ZNF346: variants seen among roughly 807,000 people sequenced by gnomAD.
ZNF346 encodes the protein zinc finger protein 346.
Under a neutral mutation model 33.7 loss-of-function variants are expected in ZNF346, and 23 were observed. The observed-to-expected ratio is 0.68, with a 90% CI of 0.49 to 0.97. ZNF346 has a LOEUF of 0.97. ZNF346 is among the 50% of genes least tolerant of loss of function. The pLI is 0.00. For missense variants in ZNF346, 340 were observed against 371.1 expected, an observed-to-expected ratio of 0.92 and a Z score of 0.69; for synonymous variants, 134 against 142.4, an observed-to-expected ratio of 0.94 and a Z score of 0.42.
chr5:177,022,929 T>C lies in ZNF346; in HGVS notation c.175+16T>C, dbSNP rs1427066008. 3 of 1,456,288 alleles carry C rather than the reference T, an allele frequency of 2.1e-6. No individual in the cohort carries two copies. Among genetic ancestry groups the C allele is most frequent in the Non-Finnish European group, 1.8e-6 (2 of 1,105,018 alleles). The allele number at this position is 1,456,288 out of a possible 1,614,324, so 90.2% of individuals were successfully genotyped here. On this transcript the variant is annotated intron_variant, in intron 1 of 6. Transcript: ENST00000358149. ...AGAGAGGAAGGTGAGTCGGGGGCTT[T>C]GGAGGCAGAAAGCCCCTCGCCCGCT... is the stretch of plus-strand genomic sequence containing the variant.
chr5:177,023,063 G>T (rs1196728312), intron 1 of ZNF346, 150 bp downstream of exon 1: 11 of 1,442,332 alleles, frequency 7.6e-6, no homozygotes, highest in Non-Finnish European at 9.4e-6. Context: ...TCCGGGCGCG[G>T]GCACCCCAAG....
At chr5:177,064,364 A>G (rs1385432856) in intron 6 of ZNF346, 148 bp from the exon 7 acceptor site, 66 of 614,958 alleles carry the variant, frequency 1.1e-4, no homozygotes, top group Admixed American at 2.2e-4. Context: ...CTAAGCATCC[A>G]GCATTCTGCC....
chr5:177,072,884 A>G (rs1783572169), downstream of ZNF346, among the ~76,000 whole-genome samples: 1 of 152,308 alleles, frequency 6.6e-6, no homozygotes, highest in African/African-American at 2.4e-5. Context: ...AATATCCCCC[A>G]GGACTTTTTA....
chr5:177,071,331 T>A (rs1322716473), downstream of ZNF346, among the ~76,000 whole-genome samples: 62 of 146,286 alleles, frequency 4.2e-4, no homozygotes, highest in Non-Finnish European at 2.4e-4. Context: ...GCCCAGGAGT[T>A]CAAATCCAGC....
chr5:177,029,468 T>C (rs1407070099), intron 1 of ZNF346, among the ~76,000 whole-genome samples: 1 of 152,158 alleles, frequency 6.6e-6, no homozygotes, highest in African/African-American at 2.4e-5. Flanking sequence ...TTCCAAAACT[T>C]TGAGAGGCCA....
At chr5:177,078,566 G>A (rs1000782390) in intron 8 of ZNF346, among the ~76,000 whole-genome samples, 13 of 152,202 alleles carry the variant, frequency 8.5e-5, no homozygotes, top group African/African-American at 2.9e-4. Context: ...AGGATCCTGC[G>A]AGCCTAACAG....
intron 4 of ZNF346, 60 bp downstream of exon 4, chr5:177,044,593 C>T: frequency 1.9e-6 from 3 of 1,567,602 alleles, no homozygotes; most frequent in South Asian, 2.3e-5. Flanking sequence ...GGCACTACTG[C>T]CAGGGGCTCA....
At position 177,022,861 on chromosome 5, in the gene ZNF346, G is replaced by C. The variant is rs1581750246; in HGVS notation, c.123G>C (p.Ala41=). ...PDGVRFDRER[A]RRLWEAVSGA... ...GGGTGCGCTTTGACCGCGAGAGGGC[G>C]CGCCGCCTGTGGGAAGCCGTGTCCG... The change falls in exon 1 of 7, where the codon GCG becomes GCC. Residue 41 remains alanine (A), a synonymous_variant. Transcript: ENST00000358149. 3 of 1,527,472 alleles carry C rather than the reference G, an allele frequency of 2.0e-6. No individual in the cohort carries two copies. The highest frequency in any genetic ancestry group is 1.4e-5 in the African/African-American group (1 of 71,868). 94.6% of individuals were successfully genotyped at this position (1,527,472 alleles called of 1,614,324 possible). A position where few individuals can be genotyped will look rare whatever the true frequency, so the allele number is the denominator to read the frequency against.
At position 177,034,070 on chromosome 5, in the gene ZNF346, G is replaced by A. The variant is rs1412333727; in HGVS notation, c.176-7056G>A. The stretch of plus-strand genomic sequence containing the variant: ...CTAATTTTTTGTAGTTTTTTATAGA[G>A]ATGGGGTTTCACCATGTTGTCTAAG... On this transcript the variant is annotated intron_variant, in intron 1 of 6. Transcript: ENST00000358149. Among the ~76,000 whole-genome samples, 3 of 152,106 alleles carry A rather than the reference G, an allele frequency of 2.0e-5. No homozygotes were observed. The South Asian group carries it at 6.2e-4, about 32-fold the overall frequency.
At chr5:177,029,103 G>A (rs1325911167) in intron 1 of ZNF346, among the ~76,000 whole-genome samples, 1 of 152,114 alleles carries the variant, frequency 6.6e-6, no homozygotes, top group African/African-American at 2.4e-5. Context: ...CATTCTGGTT[G>A]GCTGGTTGCC....
In ZNF346 at chr5:177,066,007, T is replaced by C. The variant is rs1783132729; in HGVS notation, c.*1408T>C. 6.9e-6 allele frequency: 1 copy of C among 145,544 alleles called. No individual in the cohort carries two copies. Among genetic ancestry groups the C allele is most frequent in the South Asian group, 2.3e-4 (1 of 4,322 alleles). The allele number at this position is 145,544 out of a possible 1,614,324, so 9.0% of individuals were successfully genotyped here. The stretch of plus-strand genomic sequence containing the variant: ...AACAGACCTAGGGTTTTGAGCCATA[T>C]TGCCATTGGATCTAGTATGTCTGTC... On this transcript the variant is annotated 3_prime_UTR_variant, in exon 7 of 7. Coordinates refer to ENST00000358149, the MANE Select transcript of ZNF346 (RefSeq NM_012279.4).
chr5:177,038,256 G>GTTTTTTTTTTTTTTTTTTTTT (rs748931641), intron 1 of ZNF346, among the ~76,000 whole-genome samples: 2 of 132,224 alleles, frequency 1.5e-5, no homozygotes, highest in Non-Finnish European at 3.2e-5. Context: ...GCCCAACTAC[G>GTTTTTTTTTTTTTTTTTTTTT]TTTTTTTTTT....
chr5:177,027,205 A>G (rs1776918682), intron 1 of ZNF346, among the ~76,000 whole-genome samples: 1 of 151,644 alleles, frequency 6.6e-6, no homozygotes, highest in African/African-American at 2.4e-5. Flanking sequence ...GGCGCCTGCC[A>G]GCACACCCAG....
chr5:177,053,416 G>A (rs968440931), intron 5 of ZNF346, among the ~76,000 whole-genome samples: 1 of 151,666 alleles, frequency 6.6e-6, no homozygotes, highest in African/African-American at 2.4e-5. Flanking sequence ...CGCCCAAAGG[G>A]CTGTGATTAC....
chr5:177,057,326 TAA>T (rs1781826805), intron 5 of ZNF346, among the ~76,000 whole-genome samples: 2 of 32,260 alleles, frequency 6.2e-5, no homozygotes, highest in East Asian at 4.2e-3. Flanking sequence ...CTTTTTCTTT[TAA>T]GTTTTTTCTC....
rs749587546 is a variant in ZNF346 at position 177,044,382 on chromosome 5, CA to C, written c.373-5del. On this transcript the variant is annotated splice_region_variant and splice_polypyrimidine_tract_variant and intron_variant, in intron 3 of 6. Coordinates refer to ENST00000358149, the MANE Select transcript of ZNF346 (RefSeq NM_012279.4). Reference sequence around the variant, plus strand: ...ATGATCAGACCTGTGTTCTTTCTTCCAACCAGAAGAGCAGCAGAAGCAAAGA... The same window carrying C: ...ATGATCAGACCTGTGTTCTTTCTTCCACCAGAAGAGCAGCAGAAGCAAAGA... 6.2e-7 allele frequency: 1 copy of C among 1,613,930 alleles called. No homozygotes were observed. The highest frequency in any genetic ancestry group is 2.2e-5 in the East Asian group (1 of 44,878).
chr5:177,065,868 GTGTGTGTGTGTGTT>G lies in ZNF346; in HGVS notation c.*1277_*1290del, dbSNP rs1313532245. ...GCATATTGTGTGTGGATGTGTGTGT[GTGTGTGTGTGTGTT>G]TGTGTGTATGTGTGTGCTTCTGTGT... On this transcript the variant is annotated 3_prime_UTR_variant, in exon 7 of 7. Coordinates refer to ENST00000358149, the MANE Select transcript of ZNF346 (RefSeq NM_012279.4). 6.6e-6 allele frequency: 1 copy of G among 150,452 alleles called. No individual in the cohort carries two copies. Among genetic ancestry groups the G allele is most frequent in the Non-Finnish European group, 1.5e-5 (1 of 67,848 alleles). 9.3% of individuals were successfully genotyped at this position (150,452 alleles called of 1,614,324 possible).
chr5:177,027,493 C>A lies in ZNF346; in HGVS notation c.175+4580C>A, dbSNP rs150444464. On this transcript the variant is annotated intron_variant, in intron 1 of 6. Coordinates refer to ENST00000358149, the MANE Select transcript of ZNF346 (RefSeq NM_012279.4). ...CCCAGCTACTCAGGTGGCTGAGGCACGAGAATCGCTTGAACCCAGGAGGCT... is the reference window on the plus strand; with the variant it reads ...CCCAGCTACTCAGGTGGCTGAGGCAAGAGAATCGCTTGAACCCAGGAGGCT... Among the ~76,000 whole-genome samples the A allele has an allele frequency of 2.7e-5, 4 of 149,180 alleles. No individual in the cohort carries two copies. In the South Asian group the frequency reaches 6.3e-4, roughly 24 times the overall value.
intron 8 of ZNF346, among the ~76,000 whole-genome samples, chr5:177,076,719 G>A (rs960326822): frequency 1.3e-5 from 2 of 152,142 alleles, no homozygotes; most frequent in Admixed American, 6.6e-5. Flanking sequence ...CAATGGTCCT[G>A]AATAAAGTTT....
Sources: allele counts gnomAD v4.1 joint callset (sites outside exome capture counted in the v4.1 genomes callset), GRCh38; gene constraint gnomAD v4.1.1; transcripts MANE v1.5; gene names NCBI Gene and HGNC (gene_info 2026-07-23, HGNC 2026-07-21).